CAPZA1: variants seen among roughly 807,000 people sequenced by gnomAD.
CAPZA1 encodes F-actin-capping protein subunit alpha-1.
A neutral mutation model predicts 40.8 loss-of-function variants in CAPZA1; 10 were observed. That is an observed-to-expected ratio of 0.25 (90% CI 0.15 to 0.42). CAPZA1 has a LOEUF of 0.42. CAPZA1 is among the 10% of genes least tolerant of loss of function. The pLI, the probability that CAPZA1 is intolerant of heterozygous loss-of-function variation, is 1.00. For synonymous variants in CAPZA1, 98 were observed against 115.0 expected (o/e 0.85, Z 0.95); for missense variants, 277 against 353.8 (o/e 0.78, Z 1.74).
At chr1:112,650,057 T>C (rs1371718589) in intron 3 of CAPZA1, 1 of 152,360 alleles carries the variant, frequency 6.6e-6, no homozygotes, top group Non-Finnish European at 1.5e-5. Flanking sequence ...GGCTCCCTGT[T>C]GTCTGGCTTT....
chr1:112,620,082 G>C, intron 1 of CAPZA1, 199 bp downstream of exon 1: 1 of 535,200 alleles, frequency 1.9e-6, no homozygotes, highest in Non-Finnish European at 3.3e-6. Context: ...CTCGTTCCTC[G>C]ACTCTCCTTT....
intron 7 of CAPZA1, among the ~76,000 whole-genome samples, chr1:112,665,807 A>G (rs1461643394): frequency 6.6e-6 from 1 of 152,190 alleles, no homozygotes; most frequent in East Asian, 1.9e-4. Flanking sequence ...ATCCCATTGC[A>G]TATTGGTCCA....
intron 5 of CAPZA1, 127 bp downstream of exon 5, chr1:112,654,798 T>G: frequency 1.8e-6 from 1 of 567,272 alleles, no homozygotes; most frequent in Non-Finnish European, 3.0e-6. Context: ...CTGCATTTTA[T>G]TCCCTAAATC....
At chr1:112,621,150 A>G (rs1670640301) in intron 1 of CAPZA1, among the ~76,000 whole-genome samples, 1 of 152,260 alleles carries the variant, frequency 6.6e-6, no homozygotes. Flanking sequence ...ACTGATCTTC[A>G]TACATGTTTA....
chr1:112,659,190 T>C (rs1671555062), intron 6 of CAPZA1, 89 bp downstream of exon 6: 1 of 842,816 alleles, frequency 1.2e-6, no homozygotes, highest in Non-Finnish European at 2.0e-6. Flanking sequence ...GGAATAATTA[T>C]TTAACTTACA....
Position 112,670,027 on chromosome 1 carries a change from T to C in CAPZA1, c.756T>C (p.Asp252=), listed in dbSNP as rs201851829. ...GTGAAAACTATCAAACAATGTCAGA[T>C]ACCACATTCAAGGCCTTGCGCCGGC... ...AISENYQTMS[D]TTFKALRRQL... The change falls in exon 10 of 10, where the codon GAT becomes GAC. Residue 252 remains aspartate (D), a synonymous_variant. Transcript: ENST00000263168. 1.4e-4 allele frequency: 223 copies of C among 1,613,898 alleles called. No homozygotes were observed. The highest frequency in any genetic ancestry group is 8.3e-4 in the Middle Eastern group (5 of 6,056).
chr1:112,670,333 C>A lies in CAPZA1; in HGVS notation c.*201C>A. 1 of 416,900 alleles carries A rather than the reference C, an allele frequency of 2.4e-6. No individual in the cohort carries two copies. Among genetic ancestry groups the A allele is most frequent in the Non-Finnish European group, 4.3e-6 (1 of 233,518 alleles). 25.8% of individuals were successfully genotyped at this position (416,900 alleles called of 1,614,324 possible). The stretch of plus-strand genomic sequence containing the variant: ...TTCTCTGCCTTGTAATTTTCTGTTA[C>A]TGCTATATCTACGTGTAAATCTTTT... On this transcript the variant is annotated 3_prime_UTR_variant, in exon 10 of 10. Coordinates refer to ENST00000263168, the MANE Select transcript of CAPZA1 (RefSeq NM_006135.3).
At chr1:112,652,704 A>G (rs1186221713) in intron 3 of CAPZA1, among the ~76,000 whole-genome samples, 1 of 152,016 alleles carries the variant, frequency 6.6e-6, no homozygotes, top group Non-Finnish European at 1.5e-5. Flanking sequence ...AAAAAAAAAA[A>G]CTAGCAGTCT....
At chr1:112,641,822 G>C (rs1328004776) in intron 1 of CAPZA1, among the ~76,000 whole-genome samples, 1 of 151,128 alleles carries the variant, frequency 6.6e-6, no homozygotes, top group African/African-American at 2.4e-5. Context: ...CTGGGAGGTG[G>C]AGGTTGCAGT....
chr1:112,651,119 CTG>C (rs1671378544), intron 3 of CAPZA1, among the ~76,000 whole-genome samples: 1 of 152,176 alleles, frequency 6.6e-6, no homozygotes, highest in Non-Finnish European at 1.5e-5. Flanking sequence ...TGCCTTCAGT[CTG>C]TATAAAATGA....
Position 112,654,620 on chromosome 1 carries a change from C to G in CAPZA1, c.375C>G (p.Asp125Glu). 6.2e-7 allele frequency: 1 copy of G among 1,613,916 alleles called. No individual in the cohort carries two copies. The highest frequency in any genetic ancestry group is 1.1e-5 in the South Asian group (1 of 91,068). ...GGLKSWRESC[D>E]SALRAYVKDH... Reference sequence around the variant, plus strand: ...TGAAGTCTTGGAGAGAATCCTGTGACAGTGCTTTAAGAGCCTATGTGAAAG... The same window carrying G: ...TGAAGTCTTGGAGAGAATCCTGTGAGAGTGCTTTAAGAGCCTATGTGAAAG... Residue 125 changes from aspartate to glutamate, a missense_variant, in exon 5 of 10, where the codon GAC (aspartate) becomes GAG (glutamate). Asp to Glu is a conservative substitution (Grantham distance 45, BLOSUM62 2). Coordinates refer to ENST00000263168, the MANE Select transcript of CAPZA1 (RefSeq NM_006135.3).
chr1:112,621,690 T>TA (rs1321138111), intron 1 of CAPZA1, among the ~76,000 whole-genome samples: 3 of 152,020 alleles, frequency 2.0e-5, no homozygotes, highest in Admixed American at 6.6e-5. Context: ...ATATATATTT[T>TA]AAAATGCCAA....
chr1:112,625,852 A>G (rs1429779285), intron 1 of CAPZA1: 1 of 152,306 alleles, frequency 6.6e-6, no homozygotes, highest in Non-Finnish European at 1.5e-5. Context: ...CCAGTCTAAC[A>G]TCAGCTTGTT....
intron 1 of CAPZA1, among the ~76,000 whole-genome samples, chr1:112,632,233 G>A (rs1341593340): frequency 6.6e-6 from 1 of 152,078 alleles, no homozygotes; most frequent in Non-Finnish European, 1.5e-5. Flanking sequence ...GCTTGAACCC[G>A]GGAGGTGGAG....
At chr1:112,636,891 C>A (rs915244882) in intron 1 of CAPZA1, among the ~76,000 whole-genome samples, 3 of 152,174 alleles carry the variant, frequency 2.0e-5, no homozygotes, top group African/African-American at 7.2e-5. Context: ...TTAGCTTTGA[C>A]CCAGTTTTGA....
At chr1:112,662,283 T>A (rs1052373358) in intron 7 of CAPZA1, among the ~76,000 whole-genome samples, 3 of 152,140 alleles carry the variant, frequency 2.0e-5, no homozygotes, top group South Asian at 2.1e-4. Context: ...CAACTTTTTT[T>A]ATTTTTTTGT....
At chr1:112,662,430 G>A (rs1249902907) in intron 7 of CAPZA1, among the ~76,000 whole-genome samples, 6 of 114,914 alleles carry the variant, frequency 5.2e-5, no homozygotes, top group Non-Finnish European at 6.6e-5. Context: ...ACAGAGTCTC[G>A]CTCTGTTGCC....
chr1:112,647,170 C>T (rs1430729407), intron 1 of CAPZA1, 40 bp from the exon 2 acceptor site: 6 of 989,914 alleles, frequency 6.1e-6, no homozygotes, highest in South Asian at 3.8e-5. Context: ...ATATGTTACT[C>T]TTCATAATTC....
chr1:112,661,992 A>G (rs1045173536), intron 7 of CAPZA1, among the ~76,000 whole-genome samples: 2 of 152,266 alleles, frequency 1.3e-5, no homozygotes, highest in African/African-American at 4.8e-5. Flanking sequence ...TGAGAAGGCA[A>G]CAATTTCTGA....
Sources: allele counts gnomAD v4.1 joint callset (sites outside exome capture counted in the v4.1 genomes callset), GRCh38; gene constraint gnomAD v4.1.1; transcripts MANE v1.5; gene names NCBI Gene and HGNC (gene_info 2026-07-23, HGNC 2026-07-21).